The following SNX10 variants were observed in gnomAD, a reference collection of about 807,000 sequenced individuals.
SNX10 encodes sorting nexin-10.
In SNX10, 25 loss-of-function variants were observed where a neutral mutation model predicts 28.5. The observed-to-expected ratio is 0.88, with a 90% CI of 0.64 to 1.22. SNX10 has a LOEUF of 1.22. SNX10 is among the 50% of genes most tolerant of loss of function. The probability of loss-of-function intolerance (pLI) is 0.00; values close to 1 mark genes in which losing one functional copy is unlikely to be tolerated. For missense variants in SNX10, 223 were observed against 242.6 expected, an observed-to-expected ratio of 0.92 and a Z score of 0.54; for synonymous variants, 62 against 81.4, an observed-to-expected ratio of 0.76 and a Z score of 1.28.
At chr7:26,302,038 C>T (rs536621779) in intron 1 of SNX10, among the ~76,000 whole-genome samples, 7 of 152,276 alleles carry the variant, frequency 4.6e-5, no homozygotes, top group East Asian at 1.9e-4. Flanking sequence ...CTGGGTCATA[C>T]GTTTTTTCCC....
chr7:26,303,433 GC>G (rs1243879997), intron 1 of SNX10, among the ~76,000 whole-genome samples: 1 of 152,100 alleles, frequency 6.6e-6, no homozygotes, highest in East Asian at 1.9e-4. Flanking sequence ...GGCCTGCCTG[GC>G]CCTGCCTGCA....
At chr7:26,305,975 A>G (rs967153113) in intron 1 of SNX10, among the ~76,000 whole-genome samples, 2 of 152,076 alleles carry the variant, frequency 1.3e-5, no homozygotes, top group Non-Finnish European at 1.5e-5. Flanking sequence ...GGTCACTGCA[A>G]CCTCTGCCTC....
At position 26,321,696 on chromosome 7, in the gene SNX10, T is replaced by C. The variant is rs569268486; in HGVS notation, c.-23-24724T>C. Among the ~76,000 whole-genome samples the C allele has an allele frequency of 4.6e-5, 7 of 152,256 alleles. No homozygotes were observed. In the South Asian group the frequency reaches 1.0e-3, roughly 23 times the overall value. ...CCAGGAGGGAGTGAGTGAACCCTGC[T>C]GACTGCTGGACACCCTCCTTACTTC... On this transcript the variant is annotated intron_variant, in intron 1 of 6. Transcript: ENST00000338523.
Position 26,297,345 on chromosome 7 carries a change from C to T in SNX10, c.-24+5259C>T, listed in dbSNP as rs546181458. Among the ~76,000 whole-genome samples, 156 of 152,260 alleles carry T rather than the reference C, an allele frequency of 1.0e-3. 3 individuals carry two copies. The South Asian group carries it at 0.017, about 16-fold the overall frequency. ...TCCTGACCTCGTGACCCGCCCGTCT[C>T]GGCCTCCCAAAGTGCTGGGATTACA... On this transcript the variant is annotated intron_variant, in intron 1 of 6. Coordinates refer to ENST00000338523, the MANE Select transcript of SNX10 (RefSeq NM_013322.3).
At chr7:26,369,340 G>T (rs1377271145) in intron 5 of SNX10, among the ~76,000 whole-genome samples, 3 of 152,068 alleles carry the variant, frequency 2.0e-5, no homozygotes, top group Non-Finnish European at 2.9e-5. Flanking sequence ...TTAATATTAT[G>T]ATGGTGGCAG....
chr7:26,355,965 AC>A (rs1284943558), intron 2 of SNX10, among the ~76,000 whole-genome samples: 1 of 152,208 alleles, frequency 6.6e-6, no homozygotes. Flanking sequence ...ATTGAAGAAA[AC>A]ATTTGTGAAA....
At chr7:26,326,556 A>C (rs899353516) in intron 1 of SNX10, among the ~76,000 whole-genome samples, 2 of 152,166 alleles carry the variant, frequency 1.3e-5, no homozygotes, top group African/African-American at 4.8e-5. Flanking sequence ...GTGATGGCCA[A>C]CTGGGACACC....
intron 1 of SNX10, among the ~76,000 whole-genome samples, chr7:26,310,782 A>G (rs1458987526): frequency 1.3e-5 from 2 of 151,292 alleles, no homozygotes; most frequent in Non-Finnish European, 2.9e-5. Flanking sequence ...CCTGGGGTTC[A>G]CGCCATTCTC....
intron 6 of SNX10, 31 bp from the exon 7 acceptor site, chr7:26,372,457 CTTT>C: frequency 7.2e-7 from 1 of 1,397,224 alleles, no homozygotes; most frequent in Non-Finnish European, 1.0e-6. Context: ...CCAATTTCCT[CTTT>C]TTATTATTTT....
intron 1 of SNX10, among the ~76,000 whole-genome samples, chr7:26,312,517 G>T (rs1010929167): frequency 3.9e-5 from 6 of 152,142 alleles, no homozygotes; most frequent in Non-Finnish European, 8.8e-5. Flanking sequence ...CGGGCATGGT[G>T]GCTCAAGCCT....
intron 2 of SNX10, chr7:26,357,089 C>T: frequency 1.7e-6 from 2 of 1,206,848 alleles, no homozygotes; most frequent in Non-Finnish European, 2.2e-6. Flanking sequence ...GCCTAAGCTG[C>T]CCTACAGGAG....
chr7:26,330,909 G>A (rs1258459952), intron 1 of SNX10, among the ~76,000 whole-genome samples: 1 of 152,122 alleles, frequency 6.6e-6, no homozygotes, highest in Admixed American at 6.6e-5. Context: ...CGATACTTTG[G>A]TAGGTCAAGA....
intron 1 of SNX10, among the ~76,000 whole-genome samples, chr7:26,340,809 T>C (rs953857422): frequency 6.6e-6 from 1 of 152,200 alleles, no homozygotes; most frequent in African/African-American, 2.4e-5. Flanking sequence ...CTCTGTTGTC[T>C]AGGCTGGAGT....
Position 26,373,371 on chromosome 7 carries a change from T to C in SNX10, c.*799T>C, listed in dbSNP as rs770305603. ...ATTTATTTTTTGACTAAATGTGCAA[T>C]TTCTTATCACTAGATAACTTTCAGT... On this transcript the variant is annotated 3_prime_UTR_variant, in exon 7 of 7. Transcript: ENST00000338523. The surrounding 1 kb of genome is among the most constrained non-coding windows in gnomAD (Gnocchi z 4.2). 9 of 152,068 alleles carry C rather than the reference T, an allele frequency of 5.9e-5. No homozygotes were observed. The highest frequency in any genetic ancestry group is 1.3e-4 in the Non-Finnish European group (9 of 67,904). 9.4% of individuals were successfully genotyped at this position (152,068 alleles called of 1,614,324 possible). A position where few individuals can be genotyped will look rare whatever the true frequency, so the allele number is the denominator to read the frequency against.
chr7:26,325,774 C>T (rs1202444037), intron 1 of SNX10, among the ~76,000 whole-genome samples: 3 of 150,700 alleles, frequency 2.0e-5, no homozygotes, highest in African/African-American at 7.3e-5. Flanking sequence ...GTTGCCCAGG[C>T]TGGAGTGCAG....
intron 1 of SNX10, among the ~76,000 whole-genome samples, chr7:26,308,896 G>C (rs1319689885): frequency 6.6e-6 from 1 of 152,180 alleles, no homozygotes; most frequent in Non-Finnish European, 1.5e-5. Flanking sequence ...AGGACACCCA[G>C]CTGGTATCTA....
intron 1 of SNX10, among the ~76,000 whole-genome samples, chr7:26,297,184 C>A (rs1408738747): frequency 6.6e-6 from 1 of 152,202 alleles, no homozygotes; most frequent in Admixed American, 6.5e-5. Flanking sequence ...GCAACCTCTG[C>A]CTCCTGGGTT....
rs1218821649 is a variant in SNX10, at chr7:26,372,252, T to G, written c.524+219T>G. ...CTGAATTAATGAATGCAGTAGAAAT[T>G]CAATTATTTGCATTCTGATTATGTG... On this transcript the variant is annotated intron_variant, in intron 6 of 6. Transcript: ENST00000338523. The G allele has an allele frequency of 6.8e-6, 4 of 587,788 alleles. No individual in the cohort carries two copies. In the East Asian group the frequency reaches 1.1e-4, roughly 16 times the overall value. 36.4% of individuals were successfully genotyped at this position (587,788 alleles called of 1,614,324 possible). A position where few individuals can be genotyped will look rare whatever the true frequency, so the allele number is the denominator to read the frequency against.
rs553534671 is a variant in SNX10, at chr7:26,350,750, A to G, written c.24+4284A>G. On this transcript the variant is annotated intron_variant, in intron 2 of 6. Coordinates refer to ENST00000338523, the MANE Select transcript of SNX10 (RefSeq NM_013322.3). ...TTATTAAGTGTTCCTGTTTGAAAAAATAGTTAAGTTTCCATAAGAGGCAAT... is the reference window on the plus strand; with the variant it reads ...TTATTAAGTGTTCCTGTTTGAAAAAGTAGTTAAGTTTCCATAAGAGGCAAT... 2.6e-5 allele frequency among the ~76,000 whole-genome samples: 4 copies of G among 151,392 alleles called. No homozygotes were observed. The South Asian group carries it at 8.4e-4, about 32-fold the overall frequency.
Sources: gnomAD v4.1 joint callset for allele counts (sites outside exome capture counted in the v4.1 genomes callset) on GRCh38, gnomAD v4.1.1 for gene constraint, Gnocchi (gnomAD v3.1) non-coding constraint, MANE v1.5 for transcripts, NCBI Gene and HGNC (gene_info 2026-07-23, HGNC 2026-07-21) for gene names.